The following CFAP46 variants were observed in gnomAD, a reference collection of about 807,000 sequenced individuals.
CFAP46 encodes the protein cilia- and flagella-associated protein 46.
Under a neutral mutation model 325.7 loss-of-function variants are expected in CFAP46, and 245 were observed. The ratio of observed to expected loss-of-function variants is 0.75; its 90% CI spans 0.68 to 0.84. The LOEUF is 0.84. CFAP46 is among the 40% of genes least tolerant of loss of function. The pLI, the probability that CFAP46 is intolerant of heterozygous loss-of-function variation, is 0.00. For synonymous variants in CFAP46, 1,523 were observed against 1,495.9 expected, an observed-to-expected ratio of 1.02 and a Z score of -0.42; for missense variants, 3,346 against 3,543.0, an observed-to-expected ratio of 0.94 and a Z score of 1.41.
chr10:132,923,275 G>A (rs574449569), intron 11 of CFAP46, among the ~76,000 whole-genome samples: 83 of 147,662 alleles, frequency 5.6e-4, no homozygotes, highest in African/African-American at 1.9e-3. Context: ...GCCTTGAGCA[G>A]CCATGTGGGG....
chr10:132,882,639 T>C (rs891019030), intron 27 of CFAP46, among the ~76,000 whole-genome samples: 76 of 151,806 alleles, frequency 5.0e-4, no homozygotes, highest in Non-Finnish European at 1.3e-4. Context: ...GTGGGTAAAA[T>C]GGGCGGCAGC....
intron 39 of CFAP46, among the ~76,000 whole-genome samples, chr10:132,851,725 G>A (rs1022497044): frequency 1.1e-4 from 17 of 152,380 alleles, no homozygotes; most frequent in African/African-American, 3.8e-4. Context: ...GGTGCACCGT[G>A]TGCACGCGCC....
At chr10:132,834,513 T>C in intron 48 of CFAP46, 141 bp downstream of exon 48, 1 of 1,216,806 alleles carries the variant, frequency 8.2e-7, no homozygotes. Context: ...AATTGCTTCC[T>C]GGGAGCAGGC....
chr10:132,909,087 C>A lies in CFAP46; in HGVS notation c.2757+50G>T, dbSNP rs571168790. On this transcript the variant is annotated intron_variant, in intron 21 of 57. Coordinates refer to ENST00000368586, the MANE Select transcript of CFAP46 (RefSeq NM_001200049.3). ...CAGCCACCTAGGGCAAGAGCCTCGG[C>A]GTCCTCGCCTCTTGGCCCCTGGCCT... 3.3e-5 allele frequency: 45 copies of A among 1,345,430 alleles called. No individual in the cohort carries two copies. The Admixed American group carries it at 6.0e-4, about 18-fold the overall frequency. The allele number at this position is 1,345,430 out of a possible 1,614,324, so 83.3% of individuals were successfully genotyped here.
At chr10:132,837,081 T>A in intron 44 of CFAP46, 167 bp from the exon 45 acceptor site, 1 of 573,422 alleles carries the variant, frequency 1.7e-6, no homozygotes, top group Non-Finnish European at 3.1e-6. Flanking sequence ...TGGAAGTGAC[T>A]CGGGGCTGCC....
At chr10:132,934,110 G>A (rs554552966) in intron 8 of CFAP46, among the ~76,000 whole-genome samples, 1 of 152,342 alleles carries the variant, frequency 6.6e-6, no homozygotes, top group Non-Finnish European at 1.5e-5. Flanking sequence ...CACCTTCTCT[G>A]TTAGTTTCCC....
chr10:132,917,238 G>C (rs964434716), intron 16 of CFAP46, among the ~76,000 whole-genome samples: 9 of 152,266 alleles, frequency 5.9e-5, no homozygotes, highest in Non-Finnish European at 1.0e-4. Flanking sequence ...AAATCGGCAG[G>C]TGCCCTGTCC....
At chr10:132,910,398 G>A (rs1051013252) in intron 19 of CFAP46, among the ~76,000 whole-genome samples, 1 of 152,238 alleles carries the variant, frequency 6.6e-6, no homozygotes, top group Non-Finnish European at 1.5e-5. Context: ...TCGGTTGGGG[G>A]TGGGGCAGCA....
intron 50 of CFAP46, among the ~76,000 whole-genome samples, chr10:132,823,752 T>G (rs1847952651): frequency 8.7e-6 from 1 of 114,404 alleles, no homozygotes. Flanking sequence ...TGCGCTGATG[T>G]GTGCTGTGTG....
In CFAP46 at chr10:132,904,865, G is replaced by A. The variant is rs936703469; in HGVS notation, c.2924+3603C>T. ...CAGCCTCGACCTACAGGCTCCTTAC[G>A]AGGGTGAATGCAGTTCAGCTCACTC... On this transcript the variant is annotated intron_variant, in intron 22 of 57. Coordinates refer to ENST00000368586, the MANE Select transcript of CFAP46 (RefSeq NM_001200049.3). 7.2e-5 allele frequency among the ~76,000 whole-genome samples: 11 copies of A among 152,168 alleles called. No individual in the cohort carries two copies. In the East Asian group the frequency reaches 1.3e-3, roughly 19 times the overall value.
chr10:132,909,178 C>T lies in CFAP46; in HGVS notation c.2716G>A (p.Gly906Arg), dbSNP rs556839736. 200 of 1,550,152 alleles carry T rather than the reference C, an allele frequency of 1.3e-4. No individual in the cohort carries two copies. The highest frequency in any genetic ancestry group is 4.6e-4 in the East Asian group (19 of 40,898). ...ACAGTGAAGTCCATGAGGCCCAGCC[C>T]GTTGCATGAGTACATTTCCAAGGCA... ...LVALEMYSCN[G>R]LGLMDFTVPS... Residue 906 changes from glycine to arginine, a missense_variant, in exon 21 of 58, where the codon GGG becomes AGG. Physicochemically the swap from Gly to Arg is moderately radical, Grantham distance 125. Coordinates refer to ENST00000368586, the MANE Select transcript of CFAP46 (RefSeq NM_001200049.3).
At chr10:132,915,493 C>T (rs1325934220) in intron 17 of CFAP46, among the ~76,000 whole-genome samples, 2 of 152,260 alleles carry the variant, frequency 1.3e-5, no homozygotes, top group East Asian at 1.9e-4. Context: ...TGGCTCCAGG[C>T]GTGCATGGCA....
chr10:132,848,802 C>T (rs1442310824), intron 41 of CFAP46, among the ~76,000 whole-genome samples: 5 of 152,170 alleles, frequency 3.3e-5, no homozygotes, highest in African/African-American at 9.7e-5. Context: ...CAACTTCTCC[C>T]TGTGTCCACG....
At chr10:132,881,246 G>A (rs1849038517) in intron 27 of CFAP46, among the ~76,000 whole-genome samples, 1 of 152,168 alleles carries the variant, frequency 6.6e-6, no homozygotes, top group African/African-American at 2.4e-5. Context: ...AGCAGAGGTG[G>A]GAAGGCTGCA....
At chr10:132,842,836 CT>C (rs1438009563) in intron 44 of CFAP46, among the ~76,000 whole-genome samples, 2 of 152,134 alleles carry the variant, frequency 1.3e-5, no homozygotes, top group East Asian at 3.9e-4. Context: ...TAGCCCAGGT[CT>C]TTTCCTCTTC....
Position 132,808,946 on chromosome 10 carries a change from C to A in CFAP46, c.7665-42G>T, listed in dbSNP as rs779814355. 3.3e-6 allele frequency: 5 copies of A among 1,521,108 alleles called. No individual in the cohort carries two copies. Among genetic ancestry groups the A allele is most frequent in the African/African-American group, 2.7e-5 (2 of 72,732 alleles). The allele number at this position is 1,521,108 out of a possible 1,614,324, so 94.2% of individuals were successfully genotyped here. A position where few individuals can be genotyped will look rare whatever the true frequency, so the allele number is the denominator to read the frequency against. The stretch of plus-strand genomic sequence containing the variant: ...GGGAGCTATGAACCCCGAGGCCCCG[C>A]AGGACGTCCAGCCCGGTGAGGACCA... On this transcript the variant is annotated intron_variant, in intron 57 of 57. Transcript: ENST00000368586. The surrounding 1 kb of genome is among the most constrained non-coding windows in gnomAD (Gnocchi z 6.8).
intron 50 of CFAP46, among the ~76,000 whole-genome samples, chr10:132,824,828 G>A (rs1162936886): frequency 4.9e-5 from 7 of 143,682 alleles, no homozygotes; most frequent in Middle Eastern, 4.0e-3. Flanking sequence ...CTGTCTGTGC[G>A]CTGTGTGCTG....
At chr10:132,856,486 T>C (rs1030652176) in intron 39 of CFAP46, among the ~76,000 whole-genome samples, 1 of 152,214 alleles carries the variant, frequency 6.6e-6, no homozygotes, top group African/African-American at 2.4e-5. Flanking sequence ...CTTAAAACTG[T>C]GTGACTTTAA....
intron 11 of CFAP46, 129 bp downstream of exon 11, chr10:132,924,567 T>C (rs1253399923): frequency 8.9e-6 from 8 of 894,532 alleles, no homozygotes; most frequent in African/African-American, 1.8e-5. Flanking sequence ...GTGGCCCTTA[T>C]TGAGTACAGG....
Sources: allele counts gnomAD v4.1 joint callset (sites outside exome capture counted in the v4.1 genomes callset), GRCh38; gene constraint gnomAD v4.1.1; non-coding constraint Gnocchi (gnomAD v3.1); transcripts MANE v1.5; gene names NCBI Gene and HGNC (gene_info 2026-07-23, HGNC 2026-07-21).